Variants in ACYP2 observed in about 807,000 individuals in gnomAD.
The protein encoded by ACYP2 is acylphosphatase-2.
A neutral mutation model predicts 11.2 loss-of-function variants in ACYP2; 12 were observed. The observed-to-expected ratio is 1.08, with a 90% CI of 0.69 to 1.74. The LOEUF is 1.74. Among genes scored for constraint, ACYP2 ranks in the 40% most tolerant of loss-of-function variants. The pLI, the probability that ACYP2 is intolerant of heterozygous loss-of-function variation, is 0.00. For missense variants in ACYP2, 134 were observed against 101.9 expected, an observed-to-expected ratio of 1.31 and a Z score of -1.35; for synonymous variants, 43 against 32.2, an observed-to-expected ratio of 1.33 and a Z score of -1.13.
intron 6 of ACYP2, among the ~76,000 whole-genome samples, chr2:54,185,231 A>G (rs1683926485): frequency 6.6e-6 from 1 of 152,164 alleles, no homozygotes; most frequent in Non-Finnish European, 1.5e-5. Flanking sequence ...ATTCAGATTA[A>G]TGACACACAA....
chr2:54,168,874 A>C (rs1450181157), intron 6 of ACYP2, among the ~76,000 whole-genome samples: 3 of 152,222 alleles, frequency 2.0e-5, no homozygotes, highest in African/African-American at 7.2e-5. Context: ...GAGGATGACA[A>C]AGTCAAAATT....
At chr2:54,214,563 T>C (rs894299941) in intron 6 of ACYP2, among the ~76,000 whole-genome samples, 2 of 152,236 alleles carry the variant, frequency 1.3e-5, no homozygotes, top group African/African-American at 4.8e-5. Context: ...TGTGTGGCTT[T>C]ATTTCTGGGT....
intron 6 of ACYP2, among the ~76,000 whole-genome samples, chr2:54,276,140 C>G (rs898691928): frequency 2.0e-5 from 3 of 152,108 alleles, no homozygotes; most frequent in African/African-American, 7.2e-5. Context: ...TCTAACCTAT[C>G]CTTTACCTTG....
intron 2 of ACYP2, among the ~76,000 whole-genome samples, chr2:54,023,722 A>T (rs1674122463): frequency 6.6e-6 from 1 of 152,210 alleles, no homozygotes; most frequent in Admixed American, 6.5e-5. Context: ...TCCTGGAAAC[A>T]TACAATCCTG....
At chr2:54,172,579 G>T (rs1469135398) in intron 6 of ACYP2, among the ~76,000 whole-genome samples, 1 of 152,136 alleles carries the variant, frequency 6.6e-6, no homozygotes, top group African/African-American at 2.4e-5. Flanking sequence ...AGAATAAATT[G>T]AACTCTACTA....
At chr2:54,133,673 G>C (rs2103771730) in intron 4 of ACYP2, among the ~76,000 whole-genome samples, 1 of 152,240 alleles carries the variant, frequency 6.6e-6, no homozygotes, top group African/African-American at 2.4e-5. Context: ...AGTTTTCCAA[G>C]TTGCAATTTG....
intron 6 of ACYP2, among the ~76,000 whole-genome samples, chr2:54,237,121 A>T (rs140490335): frequency 2.3e-3 from 344 of 152,328 alleles, no homozygotes; most frequent in African/African-American, 8.1e-3. Flanking sequence ...AACACATGGG[A>T]ATACATTATA....
At chr2:54,095,464 G>A (rs1678482552) in intron 4 of ACYP2, among the ~76,000 whole-genome samples, 1 of 151,962 alleles carries the variant, frequency 6.6e-6, no homozygotes, top group South Asian at 2.1e-4. Context: ...GGGGCGGCCG[G>A]GCAGAGGCGC....
chr2:53,989,902 G>A (rs1292534583), intron 2 of ACYP2, among the ~76,000 whole-genome samples: 1 of 151,848 alleles, frequency 6.6e-6, no homozygotes, highest in East Asian at 1.9e-4. Context: ...TACTCCCTTG[G>A]TCCCAGCCAA....
rs1448474494 is a variant in ACYP2, at chr2:54,149,960, G to A, written c.404+11212G>A. Among the ~76,000 whole-genome samples, 4 of 152,178 alleles carry A rather than the reference G, an allele frequency of 2.6e-5. 1 individual carries two copies. The highest frequency in any genetic ancestry group is 4.1e-4 in the South Asian group (2 of 4,828). On this transcript the variant is annotated intron_variant, in intron 6 of 6. Coordinates refer to ENST00000607452, the MANE Select transcript of ACYP2 (RefSeq NM_001320586.2). Reference sequence around the variant, plus strand: ...AGGGTAAATGTTCTCTCTTTTTCCAGAAGGCAATAATCTTGATTGGAGCCA... The same window carrying A: ...AGGGTAAATGTTCTCTCTTTTTCCAAAAGGCAATAATCTTGATTGGAGCCA...
At chr2:54,085,548 T>G (rs1677904410) in intron 4 of ACYP2, among the ~76,000 whole-genome samples, 1 of 152,226 alleles carries the variant, frequency 6.6e-6, no homozygotes, top group Admixed American at 6.5e-5. Flanking sequence ...AGAAGTTTGG[T>G]GATGTTTTTG....
intron 4 of ACYP2, among the ~76,000 whole-genome samples, chr2:54,129,092 A>G (rs1448347593): frequency 1.3e-5 from 2 of 152,156 alleles, no homozygotes; most frequent in East Asian, 3.8e-4. Context: ...TTCACTTCCA[A>G]ATAAAGACAA....
At chr2:54,171,662 C>T (rs1026034118) in intron 6 of ACYP2, among the ~76,000 whole-genome samples, 1 of 151,936 alleles carries the variant, frequency 6.6e-6, no homozygotes, top group South Asian at 2.1e-4. Flanking sequence ...CCTGTAAGAG[C>T]TTTTTTCACC....
chr2:54,111,444 A>G (rs976952285), intron 4 of ACYP2, among the ~76,000 whole-genome samples: 11 of 152,128 alleles, frequency 7.2e-5, no homozygotes, highest in African/African-American at 2.7e-4. Flanking sequence ...TTAATGTTAC[A>G]TATCCTTCTG....
At chr2:54,094,904 T>C (rs63208961) in intron 4 of ACYP2, among the ~76,000 whole-genome samples, 7 of 152,028 alleles carry the variant, frequency 4.6e-5, no homozygotes, top group African/African-American at 9.7e-5. Flanking sequence ...TTTTTTTTTT[T>C]AATTGATCAT....
At chr2:54,067,449 C>T (rs891705971) in intron 4 of ACYP2, among the ~76,000 whole-genome samples, 1 of 152,142 alleles carries the variant, frequency 6.6e-6, no homozygotes, top group Non-Finnish European at 1.5e-5. Context: ...CTTTGCTTAA[C>T]ACCATTTATG....
At chr2:54,080,677 T>C (rs1320167593) in intron 4 of ACYP2, among the ~76,000 whole-genome samples, 1 of 152,060 alleles carries the variant, frequency 6.6e-6, no homozygotes, top group Non-Finnish European at 1.5e-5. Context: ...TTAGTAGAGA[T>C]GGAGTTTCAC....
chr2:54,165,533 T>TCA lies in ACYP2; in HGVS notation c.404+26786_404+26787insAC, dbSNP rs1326165242. ...CTCTTTCACTCTCTCTCTCTCTCTC[T>TCA]CTCACACACACACACACACACACAC... On this transcript the variant is annotated intron_variant, in intron 6 of 6. Coordinates refer to ENST00000607452, the MANE Select transcript of ACYP2 (RefSeq NM_001320586.2). Among the ~76,000 whole-genome samples the TCA allele has an allele frequency of 9.4e-3, 1,167 of 123,678 alleles. 8 individuals are homozygous for TCA. The highest frequency in any genetic ancestry group is 0.027 in the African/African-American group (845 of 30,966). The allele number at this position is 123,678 out of a possible 152,430, so 81.1% of individuals were successfully genotyped here.
chr2:54,262,465 A>AT (rs1247630622), intron 6 of ACYP2, among the ~76,000 whole-genome samples: 3 of 152,266 alleles, frequency 2.0e-5, no homozygotes. Flanking sequence ...TTAGATAAAA[A>AT]TTTTTAAGTA....
Sources: allele counts gnomAD v4.1 joint callset (sites outside exome capture counted in the v4.1 genomes callset), GRCh38; gene constraint gnomAD v4.1.1; transcripts MANE v1.5; gene names NCBI Gene and HGNC (gene_info 2026-07-23, HGNC 2026-07-21).